CLSTN2: variants seen among roughly 807,000 people sequenced by gnomAD.
The protein encoded by CLSTN2 is calsyntenin-2.
CLSTN2 carries 48 observed loss-of-function variants against 101.2 expected under a neutral mutation model. The observed-to-expected ratio is 0.47, with a 90% CI of 0.38 to 0.60. The LOEUF (loss-of-function observed/expected upper bound fraction) is 0.60. Ranked by LOEUF, CLSTN2 falls within the 20% of genes least tolerant of loss-of-function variation. The pLI, the probability that CLSTN2 is intolerant of heterozygous loss-of-function variation, is 0.00. For synonymous variants in CLSTN2, 481 were observed against 463.6 expected (o/e 1.04, Z -0.48); for missense variants, 1,160 against 1,238.2 (o/e 0.94, Z 0.95).
chr3:140,078,510 G>A (rs2008531419), intron 1 of CLSTN2, among the ~76,000 whole-genome samples: 1 of 152,242 alleles, frequency 6.6e-6, no homozygotes, highest in African/African-American at 2.4e-5. Context: ...GGAGCTCCAT[G>A]TAATGAGTGT....
chr3:140,189,353 TTA>T (rs2010527857), intron 2 of CLSTN2, among the ~76,000 whole-genome samples: 1 of 152,220 alleles, frequency 6.6e-6, no homozygotes, highest in South Asian at 2.1e-4. Context: ...TGTACCATTT[TTA>T]CTTTCCCACC....
chr3:140,144,704 G>A (rs1487607877), intron 1 of CLSTN2, among the ~76,000 whole-genome samples: 1 of 152,106 alleles, frequency 6.6e-6, no homozygotes, highest in Admixed American at 6.5e-5. Context: ...GAGCAGATTA[G>A]GCTCAAAGTG....
At chr3:140,265,436 A>G (rs1464651959) in intron 2 of CLSTN2, among the ~76,000 whole-genome samples, 4 of 152,270 alleles carry the variant, frequency 2.6e-5, no homozygotes, top group Non-Finnish European at 5.9e-5. Flanking sequence ...AGACTCTGAG[A>G]CTACCCAGAC....
chr3:140,408,941 T>A (rs769966960), intron 4 of CLSTN2, among the ~76,000 whole-genome samples: 4 of 152,220 alleles, frequency 2.6e-5, no homozygotes, highest in Non-Finnish European at 5.9e-5. Flanking sequence ...CTGGCTCCTA[T>A]CGCTGTACAC....
chr3:140,201,903 G>A (rs1489266290), intron 2 of CLSTN2, among the ~76,000 whole-genome samples: 1 of 152,134 alleles, frequency 6.6e-6, no homozygotes, highest in African/African-American at 2.4e-5. Context: ...CAGAAGAGGA[G>A]GAAAGGGAAG....
At chr3:140,230,566 C>T (rs2086361782) in intron 2 of CLSTN2, among the ~76,000 whole-genome samples, 1 of 152,140 alleles carries the variant, frequency 6.6e-6, no homozygotes, top group African/African-American at 2.4e-5. Flanking sequence ...AAACAGACCC[C>T]AGAGAGACTC....
chr3:140,292,616 G>T (rs760659406), intron 2 of CLSTN2, among the ~76,000 whole-genome samples: 1 of 152,190 alleles, frequency 6.6e-6, no homozygotes, highest in Non-Finnish European at 1.5e-5. Context: ...AGAGAATCAT[G>T]CAAGTTGCAC....
At chr3:140,060,517 A>C (rs2114167) in intron 1 of CLSTN2, among the ~76,000 whole-genome samples, 14,580 of 152,174 alleles carry the variant, frequency 0.096, 816 homozygotes, top group African/African-American at 0.15. Flanking sequence ...CCTGGTCCTC[A>C]GGGGTAGCCC....
chr3:140,101,320 A>T (rs894253562), intron 1 of CLSTN2, among the ~76,000 whole-genome samples: 4 of 152,206 alleles, frequency 2.6e-5, no homozygotes, highest in African/African-American at 9.6e-5. Flanking sequence ...CCAAGCAGTA[A>T]TAGTAATATT....
In CLSTN2 at chr3:139,935,276, G is replaced by C. The variant is rs936833601; in HGVS notation, c.-99G>C. 6.0e-4 allele frequency: 336 copies of C among 561,000 alleles called. 3 individuals are homozygous for C. Among genetic ancestry groups the C allele is most frequent in the Non-Finnish European group, 9.9e-5 (38 of 382,986 alleles). The allele number at this position is 561,000 out of a possible 1,614,324, so 34.8% of individuals were successfully genotyped here. A position where few individuals can be genotyped will look rare whatever the true frequency, so the allele number is the denominator to read the frequency against. The stretch of plus-strand genomic sequence containing the variant: ...CGGCAGCGCTAGAAGCGCACCCATC[G>C]GGCACGGCGAGGCGGCCCACGGTGC... On this transcript the variant is annotated 5_prime_UTR_variant, in exon 1 of 17. Coordinates refer to ENST00000458420, the MANE Select transcript of CLSTN2 (RefSeq NM_022131.3). This position sits in a 1 kb window ranked among gnomAD's most constrained non-coding sequence, Gnocchi z 5.5.
intron 5 of CLSTN2, among the ~76,000 whole-genome samples, chr3:140,430,324 T>C (rs1469239931): frequency 1.3e-5 from 2 of 152,214 alleles, no homozygotes; most frequent in Non-Finnish European, 2.9e-5. Flanking sequence ...GTCAGCAAAG[T>C]GTAGCCTATA....
intron 1 of CLSTN2, among the ~76,000 whole-genome samples, chr3:139,983,901 TA>T (rs1375786328): frequency 6.6e-6 from 1 of 152,200 alleles, no homozygotes; most frequent in Admixed American, 6.5e-5. Flanking sequence ...CTAATGCTTC[TA>T]AAAATAAATA....
chr3:140,005,648 A>G lies in CLSTN2; in HGVS notation c.109+70165A>G, dbSNP rs141805506. On this transcript the variant is annotated intron_variant, in intron 1 of 16. Transcript: ENST00000458420. Reference sequence around the variant, plus strand: ...TGAACAGCTAGTTAGACCTGAGGAGACAAAAGTTTCTCAATTTTTAACAAG... The same window carrying G: ...TGAACAGCTAGTTAGACCTGAGGAGGCAAAAGTTTCTCAATTTTTAACAAG... Among the ~76,000 whole-genome samples, 228 of 152,338 alleles carry G rather than the reference A, an allele frequency of 1.5e-3. 3 individuals carry two copies. The highest frequency in any genetic ancestry group is 4.9e-3 in the African/African-American group (203 of 41,592).
intron 2 of CLSTN2, among the ~76,000 whole-genome samples, chr3:140,251,712 C>T (rs1000903527): frequency 6.6e-6 from 1 of 151,232 alleles, no homozygotes; most frequent in Admixed American, 6.6e-5. Flanking sequence ...ATGCTTCATG[C>T]TGCCAATGGT....
At chr3:140,420,379 C>T (rs773593552) in intron 4 of CLSTN2, among the ~76,000 whole-genome samples, 3 of 151,552 alleles carry the variant, frequency 2.0e-5, no homozygotes, top group Non-Finnish European at 2.9e-5. Context: ...ATTAAATTCA[C>T]TTTAGGTCTT....
At chr3:140,167,249 C>T (rs550975871) in intron 1 of CLSTN2, among the ~76,000 whole-genome samples, 7 of 152,354 alleles carry the variant, frequency 4.6e-5, no homozygotes, top group Non-Finnish European at 1.0e-4. Context: ...ATAAACCAAA[C>T]TATTTACATT....
intron 2 of CLSTN2, among the ~76,000 whole-genome samples, chr3:140,366,543 C>T (rs1033863931): frequency 2.0e-5 from 3 of 152,206 alleles, no homozygotes; most frequent in African/African-American, 7.2e-5. Context: ...TTGTATAGGG[C>T]CCTTGCATTG....
chr3:140,434,242 G>A (rs952176079), intron 5 of CLSTN2, among the ~76,000 whole-genome samples: 2 of 152,148 alleles, frequency 1.3e-5, no homozygotes, highest in African/African-American at 4.8e-5. Context: ...GGAGAGCCAC[G>A]AGCTGGCCGA....
intron 8 of CLSTN2, among the ~76,000 whole-genome samples, chr3:140,520,223 C>A (rs1022742231): frequency 8.5e-5 from 13 of 152,290 alleles, no homozygotes; most frequent in Non-Finnish European, 1.2e-4. Flanking sequence ...TTCTCTCTGA[C>A]TGCTGTTAAC....
Sources: gnomAD v4.1 joint callset for allele counts (sites outside exome capture counted in the v4.1 genomes callset) on GRCh38, gnomAD v4.1.1 for gene constraint, Gnocchi (gnomAD v3.1) non-coding constraint, MANE v1.5 for transcripts, NCBI Gene and HGNC (gene_info 2026-07-23, HGNC 2026-07-21) for gene names.